The following MGRN1 variants were observed in gnomAD, a reference collection of about 807,000 sequenced individuals.
The protein encoded by MGRN1 is mahogunin ring finger 1, also known as E3 ubiquitin-protein ligase MGRN1.
MGRN1 carries 29 observed loss-of-function variants against 69.2 expected under a neutral mutation model. The ratio of observed to expected loss-of-function variants is 0.42; its 90% CI spans 0.31 to 0.57. The LOEUF (loss-of-function observed/expected upper bound fraction) is 0.57, where lower values mean the gene tolerates loss of function less well. MGRN1 is among the 20% of genes least tolerant of loss of function. MGRN1 has a pLI of 0.15. For missense variants in MGRN1, 998 were observed against 796.2 expected (o/e 1.25, Z -3.05); for synonymous variants, 470 against 344.2 (o/e 1.37, Z -4.04).
At chr16:4,638,477 A>AT (rs1193038778) in intron 1 of MGRN1, among the ~76,000 whole-genome samples, 5 of 150,664 alleles carry the variant, frequency 3.3e-5, no homozygotes, top group African/African-American at 7.4e-5. Flanking sequence ...AAAAAAAAAT[A>AT]AATAAATATC....
At chr16:4,657,738 C>CTTTTT (rs1157518931) in intron 5 of MGRN1, among the ~76,000 whole-genome samples, 11 of 77,050 alleles carry the variant, frequency 1.4e-4, no homozygotes, top group South Asian at 5.4e-4. Flanking sequence ...TGCAGACATC[C>CTTTTT]TTTTTTTTTT....
chr16:4,685,437 C>T (rs1382928341), intron 16 of MGRN1, among the ~76,000 whole-genome samples: 1 of 152,182 alleles, frequency 6.6e-6, no homozygotes, highest in Non-Finnish European at 1.5e-5. Context: ...TTCTTCAGGC[C>T]CACAGACGGG....
At chr16:4,665,069 A>T (rs1215253497) in intron 6 of MGRN1, 33 bp from the exon 7 acceptor site, 5 of 1,613,406 alleles carry the variant, frequency 3.1e-6, no homozygotes, top group African/African-American at 1.3e-5. Flanking sequence ...GCAGGCCCCG[A>T]CTCTGACTAC....
chr16:4,677,459 G>T lies in MGRN1; in HGVS notation c.956-4G>T. On this transcript the variant is annotated splice_region_variant and splice_polypyrimidine_tract_variant and intron_variant, in intron 10 of 16. Coordinates refer to ENST00000262370, the MANE Select transcript of MGRN1 (RefSeq NM_015246.4). ...GCCTGATCTGAGCCCTCCTTCTGCCGCAGCTTTCCGGGCCCTCCTGCAGAT... is the reference window on the plus strand; with the variant it reads ...GCCTGATCTGAGCCCTCCTTCTGCCTCAGCTTTCCGGGCCCTCCTGCAGAT... 6.5e-7 allele frequency: 1 copy of T among 1,545,742 alleles called. No individual in the cohort carries two copies. The highest frequency in any genetic ancestry group is 1.2e-5 in the South Asian group (1 of 85,366).
chr16:4,683,057 G>C (rs927001636), intron 14 of MGRN1, 111 bp downstream of exon 14: 10 of 1,477,370 alleles, frequency 6.8e-6, no homozygotes, highest in Non-Finnish European at 7.3e-6. Context: ...CCCCGTGCTT[G>C]TTGGCTCTTG....
rs1056308616 is a variant in MGRN1, at chr16:4,688,497, G to A, written c.1619-299G>A. ...AACCGGAACCAGGGCAAGGGCAGGA[G>A]GCCCAGAGGGCATCCACCGCGGTGC... is the stretch of plus-strand genomic sequence containing the variant. On this transcript the variant is annotated intron_variant, in intron 16 of 16. Transcript: ENST00000262370. The A allele has an allele frequency of 2.5e-5, 29 of 1,177,028 alleles. No individual in the cohort carries two copies. The East Asian group carries it at 7.6e-4, about 31-fold the overall frequency. The allele number at this position is 1,177,028 out of a possible 1,614,324, so 72.9% of individuals were successfully genotyped here. A position where few individuals can be genotyped will look rare whatever the true frequency, so the allele number is the denominator to read the frequency against.
Position 4,683,938 on chromosome 16 carries a change from G to C in MGRN1, c.1618+6G>C. ...TGCTGACATCTACCTGCCAGGTAAGGGGCTGGGGGTCTGGGGGTGAGGGGC... is the reference window on the plus strand; with the variant it reads ...TGCTGACATCTACCTGCCAGGTAAGCGGCTGGGGGTCTGGGGGTGAGGGGC... On this transcript the variant is annotated splice_donor_region_variant and intron_variant, in intron 16 of 16. Transcript: ENST00000262370. The C allele has an allele frequency of 6.3e-7, 1 of 1,588,162 alleles. No homozygotes were observed. The highest frequency in any genetic ancestry group is 8.6e-7 in the Non-Finnish European group (1 of 1,167,622).
At chr16:4,664,855 G>A in intron 6 of MGRN1, 80 bp downstream of exon 6, 2 of 1,558,416 alleles carry the variant, frequency 1.3e-6, no homozygotes, top group Non-Finnish European at 1.8e-6. Context: ...AGTGCTTGCA[G>A]CAGTGATGAA....
intron 1 of MGRN1, among the ~76,000 whole-genome samples, chr16:4,639,581 C>T (rs2078112631): frequency 6.6e-6 from 1 of 152,188 alleles, no homozygotes; most frequent in Non-Finnish European, 1.5e-5. Flanking sequence ...ACTTGGGCAT[C>T]CTGTCCCCAG....
At chr16:4,663,839 G>C (rs982243344) in intron 5 of MGRN1, among the ~76,000 whole-genome samples, 1 of 152,248 alleles carries the variant, frequency 6.6e-6, no homozygotes, top group Non-Finnish European at 1.5e-5. Context: ...CCTGGGGGCC[G>C]TGGGGAAGAG....
chr16:4,681,831 A>AGC, intron 13 of MGRN1, 55 bp downstream of exon 13: 4 of 1,522,524 alleles, frequency 2.6e-6, no homozygotes, highest in Non-Finnish European at 3.5e-6. Flanking sequence ...GCGCGTGCGG[A>AGC]GCGGGTGTCT....
chr16:4,679,462 C>A (rs1404099100), intron 11 of MGRN1, among the ~76,000 whole-genome samples: 1 of 152,114 alleles, frequency 6.6e-6, no homozygotes. Context: ...TCCTCACCTG[C>A]CAGGTTCCTG....
intron 13 of MGRN1, 94 bp downstream of exon 13, chr16:4,681,870 T>G: frequency 7.8e-7 from 1 of 1,282,634 alleles, no homozygotes; most frequent in Non-Finnish European, 1.1e-6. Flanking sequence ...TTGTGATGTG[T>G]TCTGTGTGGC....
chr16:4,666,055 C>T (rs965916108), intron 7 of MGRN1, among the ~76,000 whole-genome samples: 1 of 152,094 alleles, frequency 6.6e-6, no homozygotes. Flanking sequence ...TGGTCTCGAT[C>T]TCCTGCCTCT....
intron 1 of MGRN1, among the ~76,000 whole-genome samples, chr16:4,633,281 C>G (rs757956559): frequency 1.3e-5 from 2 of 152,008 alleles, no homozygotes; most frequent in East Asian, 3.9e-4. Context: ...CCCAGCTACT[C>G]AGGAGGCTGA....
intron 6 of MGRN1, 107 bp downstream of exon 6, chr16:4,664,882 G>T: frequency 1.4e-6 from 2 of 1,457,188 alleles, no homozygotes; most frequent in South Asian, 2.3e-5. Context: ...CAGGCATAGG[G>T]CCTTGGGCTT....
intron 4 of MGRN1, among the ~76,000 whole-genome samples, chr16:4,655,758 C>G (rs1044233146): frequency 6.6e-6 from 1 of 152,198 alleles, no homozygotes; most frequent in Admixed American, 6.5e-5. Context: ...CCCAGGCACC[C>G]GGACACCATC....
At chr16:4,667,022 A>G (rs1037702942) in intron 7 of MGRN1, among the ~76,000 whole-genome samples, 1 of 152,166 alleles carries the variant, frequency 6.6e-6, no homozygotes, top group South Asian at 2.1e-4. Flanking sequence ...CCCAGTGTGC[A>G]CTGACGTTCA....
intron 16 of MGRN1, chr16:4,686,194 G>C (rs2079313446): frequency 6.6e-7 from 1 of 1,526,150 alleles, no homozygotes; most frequent in Non-Finnish European, 8.8e-7. Flanking sequence ...CCCTTGCTGT[G>C]GCTGTGCTGG....
Sources: allele counts gnomAD v4.1 joint callset (sites outside exome capture counted in the v4.1 genomes callset), GRCh38; gene constraint gnomAD v4.1.1; transcripts MANE v1.5; gene names NCBI Gene and HGNC (gene_info 2026-07-23, HGNC 2026-07-21).